The following TENM3 variants were observed in gnomAD, a reference collection of about 807,000 sequenced individuals.
TENM3 encodes the protein teneurin transmembrane protein 3.
A neutral mutation model predicts 255.1 loss-of-function variants in TENM3; 63 were observed. The observed-to-expected ratio is 0.25, with a 90% CI of 0.20 to 0.30. The LOEUF is 0.30. Ranked by LOEUF, TENM3 falls within the 10% of genes least tolerant of loss-of-function variation. TENM3 has a pLI of 1.00. For missense variants in TENM3, 2,929 were observed against 3,461.1 expected, an observed-to-expected ratio of 0.85 and a Z score of 3.86; for synonymous variants, 1,306 against 1,322.3, an observed-to-expected ratio of 0.99 and a Z score of 0.27.
the TENM3 span, among the ~76,000 whole-genome samples, chr4:181,804,449 G>T: frequency 1.3e-5 from 2 of 152,162 alleles, no homozygotes; most frequent in African/African-American, 4.8e-5. Context: ...AAGAAAAAAT[G>T]TGATAAATAT....
chr4:182,628,692 T>C lies in TENM3; in HGVS notation c.791T>C (p.Phe264Ser). ...ACAGGAACAGGTACAACGCCACTGT[T>C]CAGTACTGCAACCCCAGGATACACA... ...FKTGTGTTPL[F>S]STATPGYTMA... is the part of the protein sequence containing the mutation. The change falls in exon 5 of 28, where the codon TTC becomes TCC. Residue 264 changes from phenylalanine to serine, a missense_variant. Transcript: ENST00000511685. The C allele has an allele frequency of 6.2e-7, 1 of 1,604,956 alleles. No homozygotes were observed. Among genetic ancestry groups the C allele is most frequent in the Non-Finnish European group, 8.5e-7 (1 of 1,175,550 alleles).
the TENM3 span, among the ~76,000 whole-genome samples, chr4:181,945,097 G>C: frequency 2.9e-5 from 4 of 137,920 alleles, no homozygotes; most frequent in Admixed American, 7.1e-5. Context: ...TTCACTTCCG[G>C]TTTGGGGAGG....
the TENM3 span, among the ~76,000 whole-genome samples, chr4:181,803,945 A>T: frequency 2.2e-5 from 3 of 133,800 alleles, no homozygotes; most frequent in Non-Finnish European, 1.7e-5. Flanking sequence ...TCAACAAAAA[A>T]AAAAAAAAGA....
At chr4:182,753,429 A>G in intron 20 of TENM3, 21 bp from the exon 21 acceptor site, 1 of 1,604,324 alleles carries the variant, frequency 6.2e-7, no homozygotes, top group Non-Finnish European at 8.5e-7. Flanking sequence ...AATTAGTAAT[A>G]CTTGCTTCTC....
the TENM3 span, among the ~76,000 whole-genome samples, chr4:181,567,748 A>C: frequency 1.3e-5 from 2 of 152,196 alleles, no homozygotes; most frequent in Non-Finnish European, 2.9e-5. Context: ...GGAAACTGAT[A>C]TGTTGTGTAT....
chr4:181,599,533 C>T, the TENM3 span, among the ~76,000 whole-genome samples: 3 of 152,174 alleles, frequency 2.0e-5, no homozygotes, highest in Non-Finnish European at 4.4e-5. Flanking sequence ...ATTCTCCTAC[C>T]ACTGAAATAT....
chr4:182,448,984 C>T (rs1773193953), intron 3 of TENM3: 1 of 399,410 alleles, frequency 2.5e-6, no homozygotes, highest in Non-Finnish European at 5.0e-6. Flanking sequence ...CAGCCCGAGC[C>T]CGGAGCCAGG....
the TENM3 span, among the ~76,000 whole-genome samples, chr4:181,904,873 C>A: frequency 6.6e-6 from 1 of 152,130 alleles, no homozygotes; most frequent in East Asian, 1.9e-4. Flanking sequence ...GGGGGTGGGT[C>A]TTTTCCCATG....
chr4:182,435,053 C>A (rs573458595), intron 3 of TENM3, among the ~76,000 whole-genome samples: 18 of 152,274 alleles, frequency 1.2e-4, no homozygotes, highest in African/African-American at 4.1e-4. Flanking sequence ...CTGGAAATAT[C>A]CCAAGAAGAA....
the TENM3 span, among the ~76,000 whole-genome samples, chr4:181,506,458 T>G: frequency 6.6e-6 from 1 of 151,892 alleles, no homozygotes; most frequent in South Asian, 2.1e-4. Flanking sequence ...AAAGACTCAG[T>G]CCTTCAAAAA....
chr4:182,401,062 G>T (rs1485102610), intron 3 of TENM3, among the ~76,000 whole-genome samples: 1 of 152,190 alleles, frequency 6.6e-6, no homozygotes. Context: ...GAACATTCCT[G>T]CTTCTGCTCC....
intron 1 of TENM3, among the ~76,000 whole-genome samples, chr4:182,244,016 T>C (rs1343418467): frequency 2.4e-4 from 33 of 139,962 alleles, no homozygotes; most frequent in South Asian, 1.2e-3. Flanking sequence ...TGCAGTGGCG[T>C]GACCTCGGCT....
chr4:182,506,473 C>T (rs561987511), intron 3 of TENM3, among the ~76,000 whole-genome samples: 1 of 152,212 alleles, frequency 6.6e-6, no homozygotes, highest in East Asian at 1.9e-4. Context: ...GCACATGGTG[C>T]TTAAAAAGTG....
At position 182,218,078 on chromosome 4, in the gene TENM3, A is replaced by G. The variant is rs546551145; in HGVS notation, c.-76+73324A>G. ...CTAAGGACCTTAATTACATTTTCTT[A>G]TGTTTAATAGGTCCTCTTTTATGGA... On this transcript the variant is annotated intron_variant, in intron 1 of 2. Transcript: ENST00000512480. Among the ~76,000 whole-genome samples, 3 of 152,284 alleles carry G rather than the reference A, an allele frequency of 2.0e-5. No individual in the cohort carries two copies. The South Asian group carries it at 6.2e-4, about 32-fold the overall frequency.
chr4:181,966,545 A>G, the TENM3 span, among the ~76,000 whole-genome samples: 1 of 152,174 alleles, frequency 6.6e-6, no homozygotes, highest in Non-Finnish European at 1.5e-5. Context: ...GTCTTCCCCA[A>G]ATAAAGCCAA....
At chr4:181,658,465 C>T in the TENM3 span, among the ~76,000 whole-genome samples, 3 of 152,156 alleles carry the variant, frequency 2.0e-5, no homozygotes, top group Non-Finnish European at 4.4e-5. Context: ...CAACCTTCAA[C>T]TCTTAAAGGA....
At chr4:181,570,200 C>T in the TENM3 span, among the ~76,000 whole-genome samples, 6 of 151,870 alleles carry the variant, frequency 4.0e-5, no homozygotes, top group African/African-American at 9.7e-5. Flanking sequence ...CGCCCGCCAC[C>T]GCGCCCGGCT....
the TENM3 span, among the ~76,000 whole-genome samples, chr4:182,003,180 C>G: frequency 6.6e-6 from 1 of 152,110 alleles, no homozygotes; most frequent in Non-Finnish European, 1.5e-5. Context: ...CCCACATTTA[C>G]TTTCTTGTAG....
the TENM3 span, among the ~76,000 whole-genome samples, chr4:181,553,259 A>AAG: frequency 5.0e-4 from 32 of 64,468 alleles, no homozygotes; most frequent in African/African-American, 1.2e-3. Context: ...TATAGTCATT[A>AAG]AGTGTGTGTG....
Sources: gnomAD v4.1 joint callset for allele counts (sites outside exome capture counted in the v4.1 genomes callset) on GRCh38, gnomAD v4.1.1 for gene constraint, MANE v1.5 for transcripts, NCBI Gene and HGNC (gene_info 2026-07-23, HGNC 2026-07-21) for gene names.